Variants in ADAMTS18 observed in about 807,000 individuals in gnomAD.
The protein encoded by ADAMTS18 is A disintegrin and metalloproteinase with thrombospondin motifs 18.
A neutral mutation model predicts 165.9 loss-of-function variants in ADAMTS18; 157 were observed. The observed-to-expected ratio is 0.95, with a 90% confidence interval of 0.83 to 1.08. ADAMTS18 has a LOEUF of 1.08. Among genes scored for constraint, ADAMTS18 ranks in the 50% least tolerant of loss-of-function variants. ADAMTS18 has a pLI of 0.00. For missense variants in ADAMTS18, 2,040 were observed against 1,534.0 expected (o/e 1.33, Z -5.51); for synonymous variants, 782 against 578.2 (o/e 1.35, Z -5.06).
At chr16:77,345,210 C>G (rs1466985745) in intron 10 of ADAMTS18, among the ~76,000 whole-genome samples, 1 of 152,150 alleles carries the variant, frequency 6.6e-6, no homozygotes, top group Admixed American at 6.5e-5. Flanking sequence ...ATGTTAATGG[C>G]TTTTGCAAAC....
intron 11 of ADAMTS18, among the ~76,000 whole-genome samples, chr16:77,340,017 T>C (rs1007803148): frequency 1.3e-5 from 2 of 152,182 alleles, no homozygotes; most frequent in African/African-American, 4.8e-5. Context: ...TGCATGTACT[T>C]GTTGTGGTTT....
At chr16:77,298,190 A>G (rs1003761769) in intron 17 of ADAMTS18, among the ~76,000 whole-genome samples, 8 of 152,038 alleles carry the variant, frequency 5.3e-5, no homozygotes, top group South Asian at 2.1e-4. Context: ...TGCTGGTATT[A>G]TAGTCATGAG....
intron 10 of ADAMTS18, among the ~76,000 whole-genome samples, chr16:77,342,543 A>G (rs2056414316): frequency 1.3e-5 from 2 of 152,156 alleles, no homozygotes; most frequent in Non-Finnish European, 2.9e-5. Context: ...CTCCCACCTC[A>G]GTCTCCCAAA....
intron 11 of ADAMTS18, among the ~76,000 whole-genome samples, chr16:77,337,065 G>C (rs2056321839): frequency 6.6e-6 from 1 of 152,174 alleles, no homozygotes; most frequent in African/African-American, 2.4e-5. Flanking sequence ...CTCTATCTAG[G>C]TTAAGATATT....
chr16:77,289,389 C>A lies in ADAMTS18; in HGVS notation c.3425G>T (p.Gly1142Val). 1 of 1,614,002 alleles carries A rather than the reference C, an allele frequency of 6.2e-7. No homozygotes were observed. The highest frequency in any genetic ancestry group is 8.5e-7 in the Non-Finnish European group (1 of 1,179,984). The stretch of plus-strand genomic sequence containing the variant: ...ACAGTGGACTGACCGGGTCTGGACC[C>A]CTCCCCCACAGGTGACTGTGCACTG... The part of the protein sequence containing the change: ...WQQCTVTCGG[G>V]VQTRSVHCVQ... The change falls in exon 22 of 23, where the codon GGG (glycine) becomes GTG (valine). Residue 1142 changes from glycine (G) to valine (V), a missense_variant. Gly to Val is a moderately radical substitution (Grantham distance 109). Transcript: ENST00000282849.
intron 16 of ADAMTS18, among the ~76,000 whole-genome samples, chr16:77,318,253 C>A (rs955306614): frequency 1.3e-5 from 2 of 152,166 alleles, no homozygotes; most frequent in African/African-American, 4.8e-5. Context: ...CTCCAAAGAG[C>A]AAACTATCTA....
chr16:77,382,986 G>A (rs1325064474), intron 3 of ADAMTS18, among the ~76,000 whole-genome samples: 3 of 152,168 alleles, frequency 2.0e-5, no homozygotes, highest in African/African-American at 7.2e-5. Context: ...CCAATGTTGT[G>A]TTCCCCTCCT....
In ADAMTS18 at chr16:77,294,940, G is replaced by A; in HGVS notation, c.2989C>T (p.Leu997Phe). 1 of 1,614,172 alleles carries A rather than the reference G, an allele frequency of 6.2e-7. No individual in the cohort carries two copies. Among genetic ancestry groups the A allele is most frequent in the Non-Finnish European group, 8.5e-7 (1 of 1,180,022 alleles). ...NSHACPPQWS[L>F]GPWSQCSKTC... is the part of the protein sequence containing the mutation. ...CCTGTTACCTGAGACCAGGGTCCAA[G>A]GCTCCATTGTGGAGGGCAGGCATGG... The change falls in exon 19 of 23, where the codon CTT becomes TTT. Residue 997 changes from leucine (L) to phenylalanine (F), a missense_variant. By Grantham distance (22) the Leu-to-Phe change is conservative. Transcript: ENST00000282849.
At chr16:77,408,518 G>A (rs945563370) in intron 3 of ADAMTS18, among the ~76,000 whole-genome samples, 7 of 152,118 alleles carry the variant, frequency 4.6e-5, no homozygotes, top group South Asian at 2.1e-4. Context: ...TTGAAGAAAC[G>A]AGAATAAACT....
At chr16:77,292,645 G>A (rs937200069) in intron 20 of ADAMTS18, among the ~76,000 whole-genome samples, 1 of 152,158 alleles carries the variant, frequency 6.6e-6, no homozygotes, top group Non-Finnish European at 1.5e-5. Flanking sequence ...GAAGTCTTGC[G>A]CCCCTACTGC....
intron 3 of ADAMTS18, among the ~76,000 whole-genome samples, chr16:77,376,245 G>A (rs183710379): frequency 1.9e-3 from 284 of 152,270 alleles, no homozygotes; most frequent in African/African-American, 6.8e-3. Flanking sequence ...AAGAGAGAGT[G>A]AAGGGGTATG....
rs1555525330 is a variant in ADAMTS18 at position 77,400,458 on chromosome 16, G to GTGTGTGTC, written c.495+30836_495+30837insGACACACA. Among the ~76,000 whole-genome samples, 339 of 46,462 alleles carry GTGTGTGTC rather than the reference G, an allele frequency of 7.3e-3. 1 individual carries two copies. Among genetic ancestry groups the GTGTGTGTC allele is most frequent in the African/African-American group, 0.015 (326 of 21,760 alleles). 30.5% of individuals were successfully genotyped at this position (46,462 alleles called of 152,430 possible). A position where few individuals can be genotyped will look rare whatever the true frequency, so the allele number is the denominator to read the frequency against. Reference sequence around the variant, plus strand: ...TGTGTGTGTGTGTGTGTGTGTGTCTGTGTGTGTGTGTGTGTGTGTGTGTTT... The same window carrying GTGTGTGTC: ...TGTGTGTGTGTGTGTGTGTGTGTCTGTGTGTGTCTGTGTGTGTGTGTGTGTGTGTGTTT... On this transcript the variant is annotated intron_variant, in intron 3 of 22. Coordinates refer to ENST00000282849, the MANE Select transcript of ADAMTS18 (RefSeq NM_199355.4).
intron 16 of ADAMTS18, among the ~76,000 whole-genome samples, chr16:77,309,677 A>C (rs2055744888): frequency 6.6e-6 from 1 of 152,234 alleles, no homozygotes; most frequent in Admixed American, 6.5e-5. Flanking sequence ...ATTTGGCATC[A>C]AACCATGCAC....
At position 77,286,059 on chromosome 16, in the gene ADAMTS18, C is replaced by T. The variant is rs539782491; in HGVS notation, c.3551-1988G>A. 4.6e-5 allele frequency among the ~76,000 whole-genome samples: 7 copies of T among 152,238 alleles called. No individual in the cohort carries two copies. In the South Asian group the frequency reaches 1.5e-3, roughly 32 times the overall value. On this transcript the variant is annotated intron_variant, in intron 22 of 22. Transcript: ENST00000282849. ...AAATCCTTACACTGACTGACAAGGCCTCCAGTCCCACTTTTCATGTATTGC... is the reference window on the plus strand; with the variant it reads ...AAATCCTTACACTGACTGACAAGGCTTCCAGTCCCACTTTTCATGTATTGC...
intron 6 of ADAMTS18, 85 bp from the exon 7 acceptor site, chr16:77,362,349 G>T: frequency 1.4e-6 from 2 of 1,463,172 alleles, no homozygotes; most frequent in Non-Finnish European, 1.9e-6. Flanking sequence ...GGCAAACACA[G>T]AAACATATTT....
chr16:77,289,446 C>G (rs770882835), intron 21 of ADAMTS18, 35 bp from the exon 22 acceptor site: 5 of 1,611,456 alleles, frequency 3.1e-6, no homozygotes, highest in Non-Finnish European at 8.5e-7. Flanking sequence ...GTCAGAAACA[C>G]TCTACTGAGG....
intron 11 of ADAMTS18, among the ~76,000 whole-genome samples, chr16:77,337,891 ATCTTTTCTTT>A (rs529035050): frequency 6.8e-6 from 1 of 147,794 alleles, no homozygotes; most frequent in Non-Finnish European, 1.5e-5. Flanking sequence ...AATTTTATCC[ATCTTTTCTTT>A]TCTTTTCTTT....
intron 3 of ADAMTS18, among the ~76,000 whole-genome samples, chr16:77,380,716 G>A (rs923167433): frequency 7.2e-5 from 11 of 152,052 alleles, no homozygotes; most frequent in African/African-American, 2.4e-4. Context: ...ACAGATGTTG[G>A]TATGGCCCCT....
chr16:77,308,198 A>G (rs923364829), intron 16 of ADAMTS18, among the ~76,000 whole-genome samples: 10 of 152,164 alleles, frequency 6.6e-5, no homozygotes, highest in African/African-American at 2.4e-4. Flanking sequence ...GAGCTTTTCT[A>G]TTTTTTAAAA....
Sources: allele counts gnomAD v4.1 joint callset (sites outside exome capture counted in the v4.1 genomes callset), GRCh38; gene constraint gnomAD v4.1.1; transcripts MANE v1.5; gene names NCBI Gene and HGNC (gene_info 2026-07-23, HGNC 2026-07-21).